The following SLC44A5 variants were observed in gnomAD, a reference collection of about 807,000 sequenced individuals.
SLC44A5 encodes solute carrier family 44 member 5.
A neutral mutation model predicts 101.8 loss-of-function variants in SLC44A5; 57 were observed. That is an observed-to-expected ratio of 0.56 (90% confidence interval 0.45 to 0.70). The LOEUF (loss-of-function observed/expected upper bound fraction) is 0.70, where lower values mean the gene tolerates loss of function less well. Ranked by LOEUF, SLC44A5 falls within the 30% of genes least tolerant of loss-of-function variation. The probability of loss-of-function intolerance (pLI) is 0.00; values close to 1 mark genes in which losing one functional copy is unlikely to be tolerated. For synonymous variants in SLC44A5, 281 were observed against 290.9 expected (o/e 0.97, Z 0.35); for missense variants, 737 against 853.1 (o/e 0.86, Z 1.70).
intron 2 of SLC44A5, among the ~76,000 whole-genome samples, chr1:75,481,380 C>G (rs1667836318): frequency 6.6e-6 from 1 of 152,072 alleles, no homozygotes; most frequent in Non-Finnish European, 1.5e-5. Context: ...AAAGCAATGG[C>G]AACAAAAGCC....
chr1:75,461,561 C>G (rs1246445844), intron 2 of SLC44A5, among the ~76,000 whole-genome samples: 1 of 152,166 alleles, frequency 6.6e-6, no homozygotes, highest in Non-Finnish European at 1.5e-5. Flanking sequence ...CTAAATAGCT[C>G]TTTCCTAGCA....
At chr1:75,397,236 G>A (rs1054633162) in intron 2 of SLC44A5, among the ~76,000 whole-genome samples, 12 of 152,100 alleles carry the variant, frequency 7.9e-5, no homozygotes, top group Admixed American at 4.6e-4. Flanking sequence ...GAGGTGGCAC[G>A]TGCCATAATG....
intron 3 of SLC44A5, among the ~76,000 whole-genome samples, chr1:75,356,311 TG>T (rs1201884233): frequency 6.7e-6 from 1 of 149,726 alleles, no homozygotes; most frequent in Non-Finnish European, 1.5e-5. Context: ...GACCTCCCAG[TG>T]GGATAAGATG....
At chr1:75,224,500 A>G (rs111514517) in intron 13 of SLC44A5, among the ~76,000 whole-genome samples, 1,701 of 152,358 alleles carry the variant, frequency 0.011, 23 homozygotes, top group African/African-American at 0.03. Context: ...CCAGTGGGAC[A>G]AGATGTGGAG....
chr1:75,692,185 CTTT>C, the SLC44A5 span, among the ~76,000 whole-genome samples: 4 of 84,774 alleles, frequency 4.7e-5, no homozygotes, highest in South Asian at 4.4e-4. Context: ...AGATGGGATT[CTTT>C]TTTTTTTTTT....
chr1:75,339,026 A>ATG (rs1657663422), intron 4 of SLC44A5, among the ~76,000 whole-genome samples: 1 of 152,214 alleles, frequency 6.6e-6, no homozygotes, highest in Non-Finnish European at 1.5e-5. Flanking sequence ...TAATTTTAAA[A>ATG]TGGCACAGAA....
intron 3 of SLC44A5, chr1:75,357,318 G>A (rs915327645): frequency 4.7e-6 from 2 of 427,672 alleles, no homozygotes; most frequent in Non-Finnish European, 9.4e-6. Flanking sequence ...CATTGATAGA[G>A]AGCCCTTAAA....
At chr1:75,687,777 T>A in the SLC44A5 span, among the ~76,000 whole-genome samples, 1 of 152,222 alleles carries the variant, frequency 6.6e-6, no homozygotes, top group African/African-American at 2.4e-5. Flanking sequence ...CAACTCTTCC[T>A]TGAATTCCTT....
chr1:75,477,912 A>T (rs1667536793), intron 2 of SLC44A5, among the ~76,000 whole-genome samples: 1 of 152,000 alleles, frequency 6.6e-6, no homozygotes, highest in Non-Finnish European at 1.5e-5. Flanking sequence ...CGCCACAAAG[A>T]TACTCCTCGA....
chr1:75,300,221 T>G (rs1187077684), intron 5 of SLC44A5, among the ~76,000 whole-genome samples: 1 of 152,032 alleles, frequency 6.6e-6, no homozygotes, highest in Non-Finnish European at 1.5e-5. Context: ...CTTTTTAATT[T>G]GCTTATAAAA....
intron 5 of SLC44A5, among the ~76,000 whole-genome samples, chr1:75,280,997 G>A (rs1406270321): frequency 6.6e-6 from 1 of 152,122 alleles, no homozygotes; most frequent in Admixed American, 6.6e-5. Flanking sequence ...CAAAAATGTG[G>A]AAGTTACTTT....
At chr1:75,682,040 C>T in the SLC44A5 span, among the ~76,000 whole-genome samples, 1 of 152,162 alleles carries the variant, frequency 6.6e-6, no homozygotes, top group African/African-American at 2.4e-5. Context: ...AGGAATCCAA[C>T]TTACAAAGGA....
the SLC44A5 span, among the ~76,000 whole-genome samples, chr1:75,647,079 G>C: frequency 1.1e-4 from 16 of 152,194 alleles, no homozygotes; most frequent in Non-Finnish European, 4.4e-5. Flanking sequence ...CCCATCACAG[G>C]CCTGGAGGCC....
the SLC44A5 span, among the ~76,000 whole-genome samples, chr1:75,723,517 A>C: frequency 6.6e-6 from 1 of 152,140 alleles, no homozygotes; most frequent in Non-Finnish European, 1.5e-5. Context: ...CGTGTACAGT[A>C]AGAAGGGGTT....
rs186962777 is a variant in SLC44A5, at chr1:75,417,757, A to T, written c.14-21136T>A. Among the ~76,000 whole-genome samples the T allele has an allele frequency of 1.3e-3, 198 of 152,366 alleles. 3 individuals carry two copies. Among genetic ancestry groups the T allele is most frequent in the African/African-American group, 4.7e-3 (195 of 41,594 alleles). On this transcript the variant is annotated intron_variant, in intron 2 of 23. Coordinates refer to ENST00000370859, the MANE Select transcript of SLC44A5 (RefSeq NM_001130058.2). ...CAAGGGTAAGAATGGCTAAAGAAAG[A>T]GTTCTAACAAGAAGGGCAGAGAGCC...
chr1:75,666,165 G>A, the SLC44A5 span, among the ~76,000 whole-genome samples: 1 of 152,068 alleles, frequency 6.6e-6, no homozygotes, highest in East Asian at 1.9e-4. Context: ...AAAGACACAT[G>A]CACTCACATG....
chr1:75,677,262 C>A, the SLC44A5 span, among the ~76,000 whole-genome samples: 1 of 151,988 alleles, frequency 6.6e-6, no homozygotes, highest in African/African-American at 2.4e-5. Flanking sequence ...AAAAGTTTAA[C>A]CTATCAAAAA....
the SLC44A5 span, among the ~76,000 whole-genome samples, chr1:75,654,373 G>C: frequency 2.0e-5 from 3 of 152,134 alleles, no homozygotes; most frequent in African/African-American, 7.2e-5. Flanking sequence ...ATTCTAAATT[G>C]TCAGATGCTG....
At chr1:75,679,792 G>T in the SLC44A5 span, among the ~76,000 whole-genome samples, 1 of 151,986 alleles carries the variant, frequency 6.6e-6, no homozygotes, top group Non-Finnish European at 1.5e-5. Flanking sequence ...TGGACTAAAT[G>T]CTCCAAGTAA....
Sources: allele counts gnomAD v4.1 joint callset (sites outside exome capture counted in the v4.1 genomes callset), GRCh38; gene constraint gnomAD v4.1.1; transcripts MANE v1.5; gene names NCBI Gene and HGNC (gene_info 2026-07-23, HGNC 2026-07-21).